The following ARHGAP45 variants were observed in gnomAD, a reference collection of about 807,000 sequenced individuals.
The protein encoded by ARHGAP45 is Rho GTPase activating protein 45.
ARHGAP45 carries 56 observed loss-of-function variants against 116.1 expected under a neutral mutation model. The ratio of observed to expected loss-of-function variants is 0.48; its 90% CI spans 0.39 to 0.60. The LOEUF (loss-of-function observed/expected upper bound fraction) is 0.60, where lower values mean the gene tolerates loss of function less well. Ranked by LOEUF, ARHGAP45 falls within the 20% of genes least tolerant of loss-of-function variation. The pLI, the probability that ARHGAP45 is intolerant of heterozygous loss-of-function variation, is 0.00. For synonymous variants in ARHGAP45, 866 were observed against 701.7 expected (o/e 1.23, Z -3.70); for missense variants, 1,622 against 1,601.0 (o/e 1.01, Z -0.22).
At chr19:1,082,195 G>C (rs571018028) in intron 19 of ARHGAP45, among the ~76,000 whole-genome samples, 36 of 149,030 alleles carry the variant, frequency 2.4e-4, no homozygotes, top group African/African-American at 8.4e-4. Flanking sequence ...GGCACGGACA[G>C]GGACAGGAGG....
In ARHGAP45 at chr19:1,071,140, G is replaced by A; in HGVS notation, c.422-2009G>A. 5.5e-6 allele frequency: 7 copies of A among 1,276,032 alleles called. No individual in the cohort carries two copies. Among genetic ancestry groups the A allele is most frequent in the Non-Finnish European group, 7.0e-6 (7 of 1,002,074 alleles). The allele number at this position is 1,276,032 out of a possible 1,614,324, so 79.0% of individuals were successfully genotyped here. ...AGCTCTGCGGTTAAGGAAGGACCCA[G>A]GCTGGGGCGAACGGGACCCCAGGGC... On this transcript the variant is annotated intron_variant, in intron 2 of 22. Coordinates refer to ENST00000313093, the MANE Select transcript of ARHGAP45 (RefSeq NM_012292.5). This position sits in a 1 kb window ranked among gnomAD's most constrained non-coding sequence, Gnocchi z 4.6.
chr19:1,074,755 G>A, intron 9 of ARHGAP45, 31 bp downstream of exon 9: 2 of 1,596,714 alleles, frequency 1.3e-6, no homozygotes, highest in African/African-American at 1.3e-5. Context: ...CGGGCTGGGC[G>A]GGGGTGTCAC....
At chr19:1,083,897 C>T (rs2145090857) in intron 21 of ARHGAP45, among the ~76,000 whole-genome samples, 1 of 152,332 alleles carries the variant, frequency 6.6e-6, no homozygotes, top group Admixed American at 6.5e-5. Flanking sequence ...CCGGCCACCA[C>T]ACCCGGCTAA....
chr19:1,084,335 A>G lies in ARHGAP45; in HGVS notation c.3053A>G (p.Asp1018Gly). 6.2e-7 allele frequency: 1 copy of G among 1,609,882 alleles called. No homozygotes were observed. Among genetic ancestry groups the G allele is most frequent in the Non-Finnish European group, 8.5e-7 (1 of 1,178,454 alleles). ...VVYPLQEAAA[D>G]GCRESRVVSN... is the part of the protein sequence containing the mutation. ...TACCCGCTGCAGGAGGCGGCGGCGGACGGGTGCAGAGGTGAGTGTGTGGCT... is the reference window on the plus strand; with the variant it reads ...TACCCGCTGCAGGAGGCGGCGGCGGGCGGGTGCAGAGGTGAGTGTGTGGCT... Residue 1018 changes from aspartate (D) to glycine (G), a missense_variant, in exon 22 of 23, where the codon GAC (aspartate) becomes GGC (glycine). By Grantham distance (94) the Asp-to-Gly change is moderately conservative. Coordinates refer to ENST00000313093, the MANE Select transcript of ARHGAP45 (RefSeq NM_012292.5).
At chr19:1,080,423 G>C (rs2043398211) in intron 14 of ARHGAP45, 41 bp from the exon 15 acceptor site, 1 of 1,610,768 alleles carries the variant, frequency 6.2e-7, no homozygotes, top group South Asian at 1.1e-5. Flanking sequence ...GGCTCCCTGC[G>C]ACCCACCCTG....
At position 1,081,936 on chromosome 19, in the gene ARHGAP45, A is replaced by G; in HGVS notation, c.2492A>G (p.Asn831Ser). The change falls in exon 19 of 23, where the codon AAC (asparagine) becomes AGC (serine). Residue 831 changes from asparagine (N) to serine (S), a missense_variant. Transcript: ENST00000313093. ...LSQASPHDISNVLKLYLRQLP... is the reference protein window; with the variant it reads ...LSQASPHDISSVLKLYLRQLP... ...CAGGCCTCGCCCCACGACATCAGCAACGTCCTCAAGCTCTACCTGCGTCAG... is the reference window on the plus strand; with the variant it reads ...CAGGCCTCGCCCCACGACATCAGCAGCGTCCTCAAGCTCTACCTGCGTCAG... 6.2e-7 allele frequency: 1 copy of G among 1,612,456 alleles called. No homozygotes were observed. The highest frequency in any genetic ancestry group is 8.5e-7 in the Non-Finnish European group (1 of 1,179,798).
intron 2 of ARHGAP45, among the ~76,000 whole-genome samples, chr19:1,072,062 T>C (rs12608808): frequency 3.5e-5 from 3 of 85,914 alleles, no homozygotes; most frequent in Admixed American, 3.1e-4. Flanking sequence ...TTCTTTCTTT[T>C]CTTTCCTTTC....
intron 1 of ARHGAP45, 51 bp downstream of exon 1, chr19:1,067,546 C>A: frequency 6.7e-7 from 1 of 1,489,110 alleles, no homozygotes. Context: ...CGCAGGGGGA[C>A]AGGGACCCGC....
At chr19:1,070,428 T>C (rs1187669479) in intron 2 of ARHGAP45, among the ~76,000 whole-genome samples, 35 of 148,294 alleles carry the variant, frequency 2.4e-4, no homozygotes, top group African/African-American at 8.0e-4. Context: ...CCTCCTGGGT[T>C]CAAGTGGTTC....
chr19:1,066,157 A>G, upstream of ARHGAP45: 2 of 1,530,766 alleles, frequency 1.3e-6, no homozygotes, highest in Non-Finnish European at 1.7e-6. Context: ...TGCCCCTCCC[A>G]CCCGAGGTAG....
In ARHGAP45 at chr19:1,071,311, A is replaced by G. The variant is rs543175539; in HGVS notation, c.422-1838A>G. The G allele has an allele frequency of 6.0e-4, 872 of 1,457,124 alleles. 8 individuals carry two copies. In the South Asian group the frequency reaches 8.9e-3, roughly 15 times the overall value. The allele number at this position is 1,457,124 out of a possible 1,614,324, so 90.3% of individuals were successfully genotyped here. Reference sequence around the variant, plus strand: ...GCCATGTGTATCTGCGGGACGGCGCACCCGGTGCTGGACGAGGGCCCCGTG... The same window carrying G: ...GCCATGTGTATCTGCGGGACGGCGCGCCCGGTGCTGGACGAGGGCCCCGTG... On this transcript the variant is annotated intron_variant, in intron 2 of 22. Transcript: ENST00000313093. The surrounding 1 kb of genome is among the most constrained non-coding windows in gnomAD (Gnocchi z 4.6).
At chr19:1,077,529 G>A (rs1036321244) in intron 10 of ARHGAP45, 8 of 1,044,854 alleles carry the variant, frequency 7.7e-6, no homozygotes, top group African/African-American at 3.3e-5. Context: ...GATTACAAGC[G>A]TGCACCACAA....
rs756692559 is a variant in ARHGAP45, at chr19:1,081,806, AC to A, written c.2380-13del. On this transcript the variant is annotated splice_polypyrimidine_tract_variant and intron_variant, in intron 18 of 22. Transcript: ENST00000313093. ...TGGGCCGAGGCTGATGGGCCTCCCC[AC>A]CCCCGGGCTCCCGCAGGGCATCTAC... The A allele has an allele frequency of 1.9e-6, 3 of 1,594,626 alleles. No individual in the cohort carries two copies. The highest frequency in any genetic ancestry group is 1.1e-5 in the South Asian group (1 of 89,174).
At position 1,068,513 on chromosome 19, in the gene ARHGAP45, C is replaced by T. The variant is rs776304661; in HGVS notation, c.190C>T (p.Arg64Trp). ...CGTCAAGGCCACAGGGACCCTCAAG[C>T]GGCCCACCAGCCTGAGCCGCCACGC... The part of the protein sequence containing the change: ...SGVKATGTLK[R>W]PTSLSRHASA... Residue 64 changes from arginine (R) to tryptophan (W), a missense_variant, in exon 2 of 23, where the codon CGG (arginine) becomes TGG (tryptophan). Physicochemically the swap from Arg to Trp is moderately radical, Grantham distance 101. This residue lies in a region of ARHGAP45 where 279 missense variants were observed against 311.9 expected (regional missense o/e 0.89). Coordinates refer to ENST00000313093, the MANE Select transcript of ARHGAP45 (RefSeq NM_012292.5). The surrounding 1 kb of genome is among the most constrained non-coding windows in gnomAD (Gnocchi z 7.5). The T allele has an allele frequency of 9.4e-6, 15 of 1,600,178 alleles. No homozygotes were observed. The highest frequency in any genetic ancestry group is 3.4e-5 in the Admixed American group (2 of 58,326).
chr19:1,084,132 A>G, intron 21 of ARHGAP45, 106 bp from the exon 22 acceptor site: 1 of 1,052,586 alleles, frequency 9.5e-7, no homozygotes, highest in Non-Finnish European at 1.5e-6. Flanking sequence ...CGCCTGGGCA[A>G]CAGCGGGTGT....
chr19:1,074,267 G>A lies in ARHGAP45; in HGVS notation c.928+26G>A, dbSNP rs757944288. 14 of 1,612,022 alleles carry A rather than the reference G, an allele frequency of 8.7e-6. No homozygotes were observed. The Admixed American group carries it at 2.0e-4, about 23-fold the overall frequency. ...GTGAGAGCTGGTGTCCCAGCAGGGT[G>A]GGTCTGGAGGGAGGGGGTTCTGGGT... is the stretch of plus-strand genomic sequence containing the variant. On this transcript the variant is annotated intron_variant, in intron 7 of 22. Coordinates refer to ENST00000313093, the MANE Select transcript of ARHGAP45 (RefSeq NM_012292.5).
At chr19:1,076,349 T>C (rs182851933) in intron 10 of ARHGAP45, among the ~76,000 whole-genome samples, 25 of 152,274 alleles carry the variant, frequency 1.6e-4, no homozygotes, top group African/African-American at 6.0e-4. Context: ...GCTTTTTACA[T>C]ATTAGAGAAC....
intron 11 of ARHGAP45, among the ~76,000 whole-genome samples, 199 bp downstream of exon 11, chr19:1,078,244 C>T (rs368164449): frequency 1.8e-4 from 27 of 151,402 alleles, no homozygotes; most frequent in African/African-American, 5.1e-4. Flanking sequence ...CCCGGGTTCA[C>T]GCCATTCTCC....
intron 17 of ARHGAP45, chr19:1,081,344 G>C (rs1568477739): frequency 1.7e-5 from 11 of 659,654 alleles, no homozygotes; most frequent in South Asian, 4.4e-5. Context: ...GCTGTGTCCA[G>C]AAAACCAAGG....
Sources: allele counts gnomAD v4.1 joint callset (sites outside exome capture counted in the v4.1 genomes callset), GRCh38; gene constraint gnomAD v4.1.1; regional missense constraint gnomAD v4.1.1; non-coding constraint Gnocchi (gnomAD v3.1); transcripts MANE v1.5; gene names NCBI Gene and HGNC (gene_info 2026-07-23, HGNC 2026-07-21).